Variants in MINK1 observed in about 807,000 individuals in gnomAD.
The protein encoded by MINK1 is misshapen-like kinase 1.
MINK1 carries 46 observed loss-of-function variants against 178.4 expected under a neutral mutation model. The ratio of observed to expected loss-of-function variants is 0.26; its 90% CI spans 0.20 to 0.33. The LOEUF is 0.33. Ranked by LOEUF, MINK1 falls within the 10% of genes least tolerant of loss-of-function variation. The pLI is 1.00. For synonymous variants in MINK1, 797 were observed against 709.7 expected (o/e 1.12, Z -1.96); for missense variants, 1,366 against 1,814.9 (o/e 0.75, Z 4.49).
Position 4,892,201 on chromosome 17 carries a change from G to T in MINK1, c.2054G>T (p.Gly685Val). ...ACTGCCCTTAACACCAGTGGGGCCG[G>T]AGGGTCCCGGCCAGCCCAGGCAGTC... The part of the protein sequence containing the change: ...IATALNTSGA[G>V]GSRPAQAVRA... Residue 685 changes from glycine (G) to valine (V), a missense_variant, in exon 17 of 32, where the codon GGA (glycine) becomes GTA (valine). This residue lies in a region of MINK1 where 709 missense variants were observed against 692.3 expected (regional missense o/e 1.02). Transcript: ENST00000355280. 6.3e-7 allele frequency: 1 copy of T among 1,598,394 alleles called. No individual in the cohort carries two copies. The highest frequency in any genetic ancestry group is 1.3e-5 in the African/African-American group (1 of 74,656).
At position 4,889,731 on chromosome 17, in the gene MINK1, G is replaced by C. The variant is rs1437354205; in HGVS notation, c.1315G>C (p.Glu439Gln). 1 of 1,547,660 alleles carries C rather than the reference G, an allele frequency of 6.5e-7. No individual in the cohort carries two copies. The highest frequency in any genetic ancestry group is 2.0e-5 in the Admixed American group (1 of 51,244). The change falls in exon 13 of 32, where the codon GAG becomes CAG. Residue 439 changes from glutamate to glutamine, a missense_variant. Glu to Gln is a conservative substitution (Grantham distance 29, BLOSUM62 2). Coordinates refer to ENST00000355280, the MANE Select transcript of MINK1 (RefSeq NM_153827.5). ...GGAGGACATGCAGGCTCTGCGGCGG[G>C]AGGAGGAGCGGCGGCAGGCGGAGCG... The part of the protein sequence containing the change: ...RLEDMQALRR[E>Q]EERRQAEREQ...
In MINK1 at chr17:4,897,404, C is replaced by G. The variant is rs145364388; in HGVS notation, c.*117C>G. The G allele has an allele frequency of 1.3e-3, 1,148 of 868,460 alleles. 5 individuals carry two copies. The African/African-American group carries it at 0.017, about 13-fold the overall frequency. 53.8% of individuals were successfully genotyped at this position (868,460 alleles called of 1,614,324 possible). On this transcript the variant is annotated 3_prime_UTR_variant, in exon 32 of 32. Transcript: ENST00000355280. ...TTTTGCTTTTACTGGTTTGATTTCA[C>G]TGGAGCCTGCTGGGAACGTGACCTC... is the stretch of plus-strand genomic sequence containing the variant.
At chr17:4,876,286 C>T (rs1049950017) in intron 1 of MINK1, among the ~76,000 whole-genome samples, 1 of 152,202 alleles carries the variant, frequency 6.6e-6, no homozygotes, top group Non-Finnish European at 1.5e-5. Flanking sequence ...AGGTCCTAGA[C>T]ATTACCTGGT....
intron 1 of MINK1, among the ~76,000 whole-genome samples, chr17:4,851,441 G>C (rs1202745697): frequency 6.6e-6 from 1 of 152,100 alleles, no homozygotes; most frequent in East Asian, 1.9e-4. Flanking sequence ...CCTCAGCTAA[G>C]AAAGCCTACC....
At chr17:4,841,240 CCAT>C (rs1225620192) in intron 1 of MINK1, among the ~76,000 whole-genome samples, 4 of 152,142 alleles carry the variant, frequency 2.6e-5, no homozygotes, top group Non-Finnish European at 5.9e-5. Context: ...GTGGTTTCTT[CCAT>C]TGCCTTTGGG....
chr17:4,893,264 C>G lies in MINK1; in HGVS notation c.2401-170C>G, dbSNP rs755750951. 2.5e-6 allele frequency: 4 copies of G among 1,613,036 alleles called. No homozygotes were observed. In the African/African-American group the frequency reaches 5.3e-5, roughly 22 times the overall value. On this transcript the variant is annotated intron_variant, in intron 20 of 31. Transcript: ENST00000355280. ...CTCCTAACCTCTCTTCTGGCTCTTT[C>G]TTCCCCTGCGGCCCCTCCCAGAGCT...
At chr17:4,855,092 C>T (rs1478390344) in intron 1 of MINK1, among the ~76,000 whole-genome samples, 1 of 151,422 alleles carries the variant, frequency 6.6e-6, no homozygotes, top group African/African-American at 2.4e-5. Context: ...CCTATAGTCC[C>T]AGCTATTACT....
intron 1 of MINK1, among the ~76,000 whole-genome samples, chr17:4,846,263 G>A (rs570170847): frequency 1.3e-5 from 2 of 152,326 alleles, no homozygotes; most frequent in Admixed American, 6.5e-5. Context: ...GTGTCAGATT[G>A]GAAGGATCAA....
In MINK1 at chr17:4,894,301, G is replaced by A. The variant is rs767655586; in HGVS notation, c.2798G>A (p.Gly933Glu). The change falls in exon 23 of 32, where the codon GGG becomes GAG. Residue 933 changes from glycine to glutamate, a missense_variant. Coordinates refer to ENST00000355280, the MANE Select transcript of MINK1 (RefSeq NM_153827.5). This position sits in a 1 kb window ranked among gnomAD's most constrained non-coding sequence, Gnocchi z 4.1. The stretch of plus-strand genomic sequence containing the variant: ...GGCCAAAGCCCACCCTCGAAGGATG[G>A]GAGTGGTGACGTAAGTGGGCCGGAG... Reference protein sequence around the residue: ...SKGQSPPSKDGSGDYQSRGLV... With the variant: ...SKGQSPPSKDESGDYQSRGLV... 6.2e-7 allele frequency: 1 copy of A among 1,612,472 alleles called. No homozygotes were observed. The highest frequency in any genetic ancestry group is 1.1e-5 in the South Asian group (1 of 90,826).
Position 4,885,695 on chromosome 17 carries a change from G to T in MINK1, c.639+82G>T, listed in dbSNP as rs886141092. On this transcript the variant is annotated intron_variant, in intron 7 of 31. Coordinates refer to ENST00000355280, the MANE Select transcript of MINK1 (RefSeq NM_153827.5). This position sits in a 1 kb window ranked among gnomAD's most constrained non-coding sequence, Gnocchi z 5.0. ...GACCACGGGGCCTGAGCAGGCTGGG[G>T]AACAGAGGAAGGTCAGATGATGTTA... The T allele has an allele frequency of 3.2e-6, 5 of 1,570,254 alleles. No individual in the cohort carries two copies. Among genetic ancestry groups the T allele is most frequent in the Non-Finnish European group, 4.3e-6 (5 of 1,150,560 alleles).
Position 4,890,605 on chromosome 17 carries a change from T to TGCAGCAGCAGCAACA in MINK1, c.1448_1462dup (p.Gln483_Gln487dup). On this transcript the variant is annotated inframe_insertion, in exon 14 of 32. Coordinates refer to ENST00000355280, the MANE Select transcript of MINK1 (RefSeq NM_153827.5). ...CAGGAGCATGCCTACCTCAAGTCCC[T>TGCAGCAGCAGCAACA]GCAGCAGCAGCAACAGCAGCAGCAG... is the stretch of plus-strand genomic sequence containing the variant. 3.2e-6 allele frequency: 5 copies of TGCAGCAGCAGCAACA among 1,563,970 alleles called. No individual in the cohort carries two copies. The South Asian group carries it at 4.7e-5, about 15-fold the overall frequency.
At chr17:4,842,670 T>C (rs1414129470) in intron 1 of MINK1, among the ~76,000 whole-genome samples, 1 of 152,216 alleles carries the variant, frequency 6.6e-6, no homozygotes, top group East Asian at 1.9e-4. Flanking sequence ...ACTTAGTCTT[T>C]AGTTCTAAGT....
At chr17:4,874,015 T>TAGTGCCAG (rs1465467728) in intron 1 of MINK1, among the ~76,000 whole-genome samples, 1 of 152,122 alleles carries the variant, frequency 6.6e-6, no homozygotes, top group Non-Finnish European at 1.5e-5. Context: ...GGCACACGAC[T>TAGTGCCAG]AGTGCCAGAG....
At position 4,892,776 on chromosome 17, in the gene MINK1, A is replaced by G. The variant is rs1489041716; in HGVS notation, c.2311+8A>G. 5.6e-6 allele frequency: 9 copies of G among 1,596,412 alleles called. No individual in the cohort carries two copies. The highest frequency in any genetic ancestry group is 7.7e-6 in the Non-Finnish European group (9 of 1,171,384). On this transcript the variant is annotated splice_region_variant and intron_variant, in intron 19 of 31. Transcript: ENST00000355280. ...AGCGGAACCGCGTGGGAGGTATGTG[A>G]GCCAGGGCTGGGCAGCCTGCTCTGG...
At position 4,833,686 on chromosome 17, in the gene MINK1, G is replaced by T. The variant is rs1159470976; in HGVS notation, c.57+46G>T. 4 of 1,426,922 alleles carry T rather than the reference G, an allele frequency of 2.8e-6. No individual in the cohort carries two copies. Among genetic ancestry groups the T allele is most frequent in the East Asian group, 3.0e-5 (1 of 33,544 alleles). The allele number at this position is 1,426,922 out of a possible 1,614,324, so 88.4% of individuals were successfully genotyped here. On this transcript the variant is annotated intron_variant, in intron 1 of 31. Transcript: ENST00000355280. This position sits in a 1 kb window ranked among gnomAD's most constrained non-coding sequence, Gnocchi z 4.8. ...CCTCGCCCTGGTTCCTGTCCCCGCC[G>T]CAGGGGAGGGAGCGGGGTGGCTGCA...
Position 4,897,288 on chromosome 17 carries a change from C to A in MINK1, c.*1C>A, listed in dbSNP as rs144736076. 6.2e-7 allele frequency: 1 copy of A among 1,613,514 alleles called. No individual in the cohort carries two copies. Among genetic ancestry groups the A allele is most frequent in the Non-Finnish European group, 8.5e-7 (1 of 1,179,584 alleles). Reference sequence around the variant, plus strand: ...CCGTAACTGCATCATGAACTGGTGACGGGGCCCTGGGCTGGGGCTGTCCCA... The same window carrying A: ...CCGTAACTGCATCATGAACTGGTGAAGGGGCCCTGGGCTGGGGCTGTCCCA... On this transcript the variant is annotated 3_prime_UTR_variant, in exon 32 of 32. Coordinates refer to ENST00000355280, the MANE Select transcript of MINK1 (RefSeq NM_153827.5).
At chr17:4,884,656 A>C (rs1039681515) in intron 5 of MINK1, among the ~76,000 whole-genome samples, 183 bp downstream of exon 5, 1 of 152,112 alleles carries the variant, frequency 6.6e-6, no homozygotes, top group African/African-American at 2.4e-5. Context: ...CTGTTGGAGG[A>C]GACAAGCTCC....
At position 4,894,009 on chromosome 17, in the gene MINK1, C is replaced by T. The variant is rs756350885; in HGVS notation, c.2586C>T (p.Ser862=). The change falls in exon 22 of 32, where the codon AGC becomes AGT. Residue 862 remains serine (S), a synonymous_variant. Transcript: ENST00000355280. The surrounding 1 kb of genome is among the most constrained non-coding windows in gnomAD (Gnocchi z 4.1). ...PGGRSDGDTD[S]VSTMVVHDVE... is the part of the protein sequence containing the mutation. ...ACAGCAGCGATGGGGATACAGACAG[C>T]GTCAGCACCATGGTGGTCCACGACG... The T allele has an allele frequency of 1.1e-5, 18 of 1,588,798 alleles. No homozygotes were observed. The highest frequency in any genetic ancestry group is 1.1e-4 in the Admixed American group (6 of 55,944).
rs71367860 is a variant in MINK1, at chr17:4,873,617, C to CTTTTTTTTTTTTTTTT, written c.58-4696_58-4681dup. On this transcript the variant is annotated intron_variant, in intron 1 of 31. Coordinates refer to ENST00000355280, the MANE Select transcript of MINK1 (RefSeq NM_153827.5). ...GGTCTTCGCCACTCTTTTTTCTTTT[C>CTTTTTTTTTTTTTTTT]TTTTTTTTTTTTTTTTTTTGAGAAG... 1.9e-5 allele frequency among the ~76,000 whole-genome samples: 2 copies of CTTTTTTTTTTTTTTTT among 108,086 alleles called. 1 individual carries two copies. The allele number at this position is 108,086 out of a possible 152,430, so 70.9% of individuals were successfully genotyped here.
Sources: gnomAD v4.1 joint callset for allele counts (sites outside exome capture counted in the v4.1 genomes callset) on GRCh38, gnomAD v4.1.1 for gene constraint, gnomAD v4.1.1 regional missense constraint, Gnocchi (gnomAD v3.1) non-coding constraint, MANE v1.5 for transcripts, NCBI Gene and HGNC (gene_info 2026-07-23, HGNC 2026-07-21) for gene names.